GYS2: variants seen among roughly 807,000 people sequenced by gnomAD.
GYS2 encodes glycogen synthase 2, also known as glycogen [starch] synthase, liver.
Under a neutral mutation model 85.6 loss-of-function variants are expected in GYS2, and 80 were observed. The ratio of observed to expected loss-of-function variants is 0.93; its 90% CI spans 0.78 to 1.13. The LOEUF is 1.13. Ranked by LOEUF, GYS2 falls within the 50% of genes most tolerant of loss-of-function variation. GYS2 has a pLI of 0.00. For synonymous variants in GYS2, 328 were observed against 300.7 expected, an observed-to-expected ratio of 1.09 and a Z score of -0.94; for missense variants, 881 against 854.9, an observed-to-expected ratio of 1.03 and a Z score of -0.38.
chr12:21,578,208 C>T (rs1445464349), intron 2 of GYS2, among the ~76,000 whole-genome samples: 1 of 152,172 alleles, frequency 6.6e-6, no homozygotes, highest in African/African-American at 2.4e-5. Flanking sequence ...GTTCCTATAA[C>T]CCTCCATTTT....
At chr12:21,557,765 T>A (rs891294493) in intron 11 of GYS2, among the ~76,000 whole-genome samples, 55 of 151,930 alleles carry the variant, frequency 3.6e-4, no homozygotes, top group Non-Finnish European at 3.8e-4. Context: ...CGGGCATGGT[T>A]GCGGGCGCCT....
chr12:21,592,140 TAAGAAAGAAAGA>T (rs57387746), intron 1 of GYS2, among the ~76,000 whole-genome samples: 26 of 87,186 alleles, frequency 3.0e-4, no homozygotes, highest in Non-Finnish European at 4.5e-4. Flanking sequence ...TCATAAATAA[TAAGAAAGAAAGA>T]AAGAAAGAAA....
At chr12:21,591,567 C>T (rs1944639168) in intron 1 of GYS2, among the ~76,000 whole-genome samples, 1 of 152,044 alleles carries the variant, frequency 6.6e-6, no homozygotes. Context: ...TGTAGGAAAC[C>T]TACGTAACAA....
intron 1 of GYS2, among the ~76,000 whole-genome samples, chr12:21,596,133 A>T (rs895935144): frequency 2.0e-5 from 3 of 152,152 alleles, no homozygotes; most frequent in Non-Finnish European, 4.4e-5. Context: ...ACCAAAAAAA[A>T]GTTCAGGACC....
intron 12 of GYS2, among the ~76,000 whole-genome samples, chr12:21,544,706 T>C (rs1358947758): frequency 6.6e-6 from 1 of 152,192 alleles, no homozygotes; most frequent in East Asian, 1.9e-4. Context: ...TTCACAAAAG[T>C]AGGCCACTTT....
chr12:21,590,362 CT>C (rs1244342466), intron 1 of GYS2, among the ~76,000 whole-genome samples: 7 of 152,188 alleles, frequency 4.6e-5, no homozygotes, highest in Non-Finnish European at 1.0e-4. Flanking sequence ...CAGAGACAGC[CT>C]TGTGCCATCC....
At chr12:21,588,244 G>A (rs764746671) in intron 1 of GYS2, among the ~76,000 whole-genome samples, 15 of 152,074 alleles carry the variant, frequency 9.9e-5, no homozygotes, top group African/African-American at 1.4e-4. Context: ...TCAGACTACA[G>A]GTTTTAATAG....
chr12:21,536,900 A>C lies in GYS2; in HGVS notation c.*54T>G. ...AATTTGTGGCATTTTTATTTTAAAT[A>C]ATTAGTCTTACTTTGCTTTTTTAAA... On this transcript the variant is annotated 3_prime_UTR_variant, in exon 16 of 16. Transcript: ENST00000261195. The C allele has an allele frequency of 8.3e-7, 1 of 1,199,950 alleles. No individual in the cohort carries two copies. Among genetic ancestry groups the C allele is most frequent in the Admixed American group, 1.7e-5 (1 of 59,078 alleles). The allele number at this position is 1,199,950 out of a possible 1,614,324, so 74.3% of individuals were successfully genotyped here.
Position 21,591,156 on chromosome 12 carries a change from T to C in GYS2, c.122-10633A>G, listed in dbSNP as rs140301336. Among the ~76,000 whole-genome samples, 716 of 152,080 alleles carry C rather than the reference T, an allele frequency of 4.7e-3. 5 individuals carry two copies. The highest frequency in any genetic ancestry group is 0.014 in the African/African-American group (581 of 41,480). On this transcript the variant is annotated intron_variant, in intron 1 of 15. Coordinates refer to ENST00000261195, the MANE Select transcript of GYS2 (RefSeq NM_021957.4). ...AGCCAGTGGAAAAAAAAGACATTTA[T>C]AAAATTCTGGAAAAAAGAATCCAAA...
chr12:21,568,847 TC>T lies in GYS2; in HGVS notation c.823+17del. Reference sequence around the variant, plus strand: ...TCATTCGGAACTGAAAGATAGGTGATCCAGGGATAATAATTACCAGGCTTTC... The same window carrying T: ...TCATTCGGAACTGAAAGATAGGTGATCAGGGATAATAATTACCAGGCTTTC... On this transcript the variant is annotated intron_variant, in intron 5 of 15. Transcript: ENST00000261195. 6.2e-7 allele frequency: 1 copy of T among 1,604,838 alleles called. No individual in the cohort carries two copies. The highest frequency in any genetic ancestry group is 2.2e-5 in the East Asian group (1 of 44,832).
At chr12:21,572,035 T>C (rs1396584537) in intron 4 of GYS2, among the ~76,000 whole-genome samples, 1 of 151,700 alleles carries the variant, frequency 6.6e-6, no homozygotes, top group Non-Finnish European at 1.5e-5. Flanking sequence ...AACTAAAGGC[T>C]TTAGAGGAAA....
chr12:21,598,578 G>T (rs1220369568), intron 1 of GYS2, among the ~76,000 whole-genome samples: 1 of 151,834 alleles, frequency 6.6e-6, no homozygotes, highest in Non-Finnish European at 1.5e-5. Context: ...AGCACATTTT[G>T]CCCCAAACTT....
rs1555154968 is a variant in GYS2 at position 21,551,013 on chromosome 12, A to AAAAAAT, written c.1423-4544_1423-4543insATTTTT. 5.9e-5 allele frequency among the ~76,000 whole-genome samples: 9 copies of AAAAAAT among 151,448 alleles called. No homozygotes were observed. In the South Asian group the frequency reaches 1.7e-3, roughly 28 times the overall value. On this transcript the variant is annotated intron_variant, in intron 11 of 15. Transcript: ENST00000261195. ...ACTCTACACTTTTCTTTTTTTTTTA[A>AAAAAAT]TTTTTTTTTATTATACTTTAAGTTT...
chr12:21,593,270 G>A (rs1246719956), intron 1 of GYS2, among the ~76,000 whole-genome samples: 1 of 142,678 alleles, frequency 7.0e-6, no homozygotes, highest in Non-Finnish European at 1.5e-5. Flanking sequence ...AAGAAAAAAT[G>A]AAGAACAGAA....
intron 4 of GYS2, among the ~76,000 whole-genome samples, chr12:21,572,598 A>G (rs774578307): frequency 6.6e-6 from 1 of 152,192 alleles, no homozygotes; most frequent in South Asian, 2.1e-4. Flanking sequence ...ACATTTTACT[A>G]GAAAGATGGG....
intron 1 of GYS2, among the ~76,000 whole-genome samples, chr12:21,588,772 T>A (rs1350068508): frequency 6.6e-6 from 1 of 152,254 alleles, no homozygotes; most frequent in African/African-American, 2.4e-5. Context: ...TAACATAAAT[T>A]GATGTCATCT....
At chr12:21,588,666 T>A (rs1485485676) in intron 1 of GYS2, among the ~76,000 whole-genome samples, 1 of 152,212 alleles carries the variant, frequency 6.6e-6, no homozygotes, top group Non-Finnish European at 1.5e-5. Flanking sequence ...TGTTATGTGA[T>A]GAGGACAGAA....
intron 4 of GYS2, 112 bp from the exon 5 acceptor site, chr12:21,569,121 A>T (rs1944357182): frequency 9.7e-7 from 1 of 1,027,492 alleles, no homozygotes; most frequent in East Asian, 2.5e-5. Flanking sequence ...GTAAAAATTT[A>T]TGACCACAAA....
intron 5 of GYS2, among the ~76,000 whole-genome samples, chr12:21,568,204 A>C (rs1944345373): frequency 6.6e-6 from 1 of 152,222 alleles, no homozygotes; most frequent in Non-Finnish European, 1.5e-5. Flanking sequence ...AAGTAGAAAA[A>C]TGAACACTAC....
Sources: allele counts gnomAD v4.1 joint callset (sites outside exome capture counted in the v4.1 genomes callset), GRCh38; gene constraint gnomAD v4.1.1; transcripts MANE v1.5; gene names NCBI Gene and HGNC (gene_info 2026-07-23, HGNC 2026-07-21).